The following NHSL1 variants were observed in gnomAD, a reference collection of about 807,000 sequenced individuals.
The protein encoded by NHSL1 is NHS like 1.
Under a neutral mutation model 95.0 loss-of-function variants are expected in NHSL1, and 48 were observed. The observed-to-expected ratio is 0.51, with a 90% confidence interval of 0.40 to 0.64. The LOEUF (loss-of-function observed/expected upper bound fraction) is 0.64, where lower values mean the gene tolerates loss of function less well. Among genes scored for constraint, NHSL1 ranks in the 30% least tolerant of loss-of-function variants. NHSL1 has a pLI of 0.00. For synonymous variants in NHSL1, 783 were observed against 833.9 expected, an observed-to-expected ratio of 0.94 and a Z score of 1.05; for missense variants, 1,971 against 2,077.7, an observed-to-expected ratio of 0.95 and a Z score of 1.00.
At chr6:138,566,981 G>A (rs576325102) in intron 1 of NHSL1, among the ~76,000 whole-genome samples, 2 of 152,252 alleles carry the variant, frequency 1.3e-5, no homozygotes, top group South Asian at 4.2e-4. Context: ...GTAACCATCA[G>A]AATAAATAAA....
At chr6:138,637,223 C>T (rs1784899985) in intron 1 of NHSL1, among the ~76,000 whole-genome samples, 1 of 152,108 alleles carries the variant, frequency 6.6e-6, no homozygotes, top group African/African-American at 2.4e-5. Context: ...GATCCCGTAT[C>T]TCTCACCACA....
At chr6:138,525,528 A>T (rs1190595069) in intron 1 of NHSL1, among the ~76,000 whole-genome samples, 1 of 139,612 alleles carries the variant, frequency 7.2e-6, no homozygotes, top group Non-Finnish European at 1.5e-5. Flanking sequence ...ACCTTGTCTC[A>T]AAATAAATAA....
intron 3 of NHSL1, among the ~76,000 whole-genome samples, chr6:138,472,331 C>CA (rs1189275662): frequency 6.6e-6 from 1 of 152,164 alleles, no homozygotes. Context: ...GACCACAACT[C>CA]AAATTCCTGG....
At chr6:138,614,936 C>A (rs1314883132) in intron 1 of NHSL1, among the ~76,000 whole-genome samples, 5 of 152,068 alleles carry the variant, frequency 3.3e-5, no homozygotes, top group Admixed American at 2.6e-4. Context: ...CCACCCTACC[C>A]CAGGTCTGTG....
At chr6:138,570,247 C>A (rs570847707) in intron 1 of NHSL1, among the ~76,000 whole-genome samples, 1 of 152,330 alleles carries the variant, frequency 6.6e-6, no homozygotes, top group South Asian at 2.1e-4. Flanking sequence ...TCCTACAAAG[C>A]AACCTTTGGC....
Position 138,431,949 on chromosome 6 carries a change from C to A in NHSL1, c.2396G>T (p.Gly799Val). The A allele has an allele frequency of 6.4e-7, 1 of 1,551,748 alleles. No individual in the cohort carries two copies. The highest frequency in any genetic ancestry group is 8.7e-7 in the Non-Finnish European group (1 of 1,147,006). The change falls in exon 6 of 8, where the codon GGC (glycine) becomes GTC (valine). Residue 799 changes from glycine (G) to valine (V), a missense_variant. Around this residue, in one of 3 missense-constraint regions of NHSL1, gnomAD observed 1,602 missense variants for 1,654.5 expected, o/e 0.97. Transcript: ENST00000343505. This position sits in a 1 kb window ranked among gnomAD's most constrained non-coding sequence, Gnocchi z 4.0. ...GGGCACCCCACTGCTGGTTGAACAG[C>A]CCCCTGCCGGGTTCCCCGGATCTTC... ...MQEDPGNPAG[G>V]CSTSSGVPTG...
chr6:138,545,371 A>G (rs1438475561), intron 1 of NHSL1, among the ~76,000 whole-genome samples: 1 of 152,202 alleles, frequency 6.6e-6, no homozygotes, highest in Non-Finnish European at 1.5e-5. Flanking sequence ...TGTCTATAAC[A>G]AAACACACAC....
chr6:138,678,464 T>C (rs1785474748), intron 1 of NHSL1, among the ~76,000 whole-genome samples: 1 of 152,224 alleles, frequency 6.6e-6, no homozygotes, highest in Admixed American at 6.5e-5. Flanking sequence ...ATTGGACTAG[T>C]AGCACCATGA....
At chr6:138,613,812 T>C (rs946778413) in intron 1 of NHSL1, among the ~76,000 whole-genome samples, 1 of 152,168 alleles carries the variant, frequency 6.6e-6, no homozygotes, top group Non-Finnish European at 1.5e-5. Flanking sequence ...AGGAGAAAGA[T>C]GTAGAATGGG....
chr6:138,511,256 TAAC>T (rs1046592932), intron 1 of NHSL1, among the ~76,000 whole-genome samples: 4 of 152,272 alleles, frequency 2.6e-5, no homozygotes, highest in South Asian at 4.1e-4. Context: ...CTCGTGTACC[TAAC>T]AATATTTTTA....
At chr6:138,516,447 C>T (rs150102456) in intron 1 of NHSL1, among the ~76,000 whole-genome samples, 1 of 152,230 alleles carries the variant, frequency 6.6e-6, no homozygotes, top group African/African-American at 2.4e-5. Flanking sequence ...TGCCTGAGAC[C>T]ATCTGCTGGC....
chr6:138,512,571 T>C (rs1781283676), intron 1 of NHSL1: 1 of 198,268 alleles, frequency 5.0e-6, no homozygotes, highest in Non-Finnish European at 1.0e-5. Context: ...AAACCCAGCC[T>C]CTTCTTTCTG....
At chr6:138,454,536 C>T (rs908587532) in intron 3 of NHSL1, among the ~76,000 whole-genome samples, 1 of 152,104 alleles carries the variant, frequency 6.6e-6, no homozygotes, top group African/African-American at 2.4e-5. Flanking sequence ...AGTCGTAAGT[C>T]TAGGTTTAAA....
intron 2 of NHSL1, among the ~76,000 whole-genome samples, chr6:138,489,869 AG>A (rs1779949929): frequency 1.5e-5 from 1 of 67,900 alleles, no homozygotes; most frequent in Non-Finnish European, 2.8e-5. Flanking sequence ...AGAGAGAGAG[AG>A]AGGGAGAGAG....
At chr6:138,502,107 T>C (rs1244635881), upstream of NHSL1, among the ~76,000 whole-genome samples, 1 of 152,084 alleles carries the variant, frequency 6.6e-6, no homozygotes, top group African/African-American at 2.4e-5. Flanking sequence ...CATCCCGGCA[T>C]CCTAGGATGT....
intron 5 of NHSL1, among the ~76,000 whole-genome samples, chr6:138,441,578 T>G (rs1776525945): frequency 6.6e-6 from 1 of 152,240 alleles, no homozygotes; most frequent in Non-Finnish European, 1.5e-5. Flanking sequence ...GTAGTGTCAT[T>G]ATAGTTATAG....
chr6:138,504,357 A>C (rs918964528), upstream of NHSL1, among the ~76,000 whole-genome samples: 7 of 152,240 alleles, frequency 4.6e-5, no homozygotes, highest in African/African-American at 1.7e-4. Context: ...GTCTAGTGGA[A>C]AAGACACACC....
intron 5 of NHSL1, among the ~76,000 whole-genome samples, chr6:138,436,377 T>C (rs1290776124): frequency 1.3e-5 from 2 of 152,070 alleles, no homozygotes; most frequent in African/African-American, 2.4e-5. Context: ...GGACAGAAAA[T>C]CAAACCAGCC....
rs1178376811 is a variant in NHSL1, at chr6:138,432,728, A to G, written c.1617T>C (p.Ser539=). 1.3e-6 allele frequency: 2 copies of G among 1,551,324 alleles called. No homozygotes were observed. Among genetic ancestry groups the G allele is most frequent in the Non-Finnish European group, 1.7e-6 (2 of 1,146,844 alleles). ...TGTGCCCTCCGCCCCCTGAATAACT[A>G]GATTCACTCTTGCCATCCACATCTT... The part of the protein sequence containing the change: ...HPQDVDGKSE[S]SYSGGGGHSS... Residue 539 remains serine, a synonymous_variant, in exon 6 of 8, where the codon TCT becomes TCC. Coordinates refer to ENST00000343505, the MANE Select transcript of NHSL1 (RefSeq NM_001144060.2). The surrounding 1 kb of genome is among the most constrained non-coding windows in gnomAD (Gnocchi z 4.4).
Sources: allele counts gnomAD v4.1 joint callset (sites outside exome capture counted in the v4.1 genomes callset), GRCh38; gene constraint gnomAD v4.1.1; regional missense constraint gnomAD v4.1.1; non-coding constraint Gnocchi (gnomAD v3.1); transcripts MANE v1.5; gene names NCBI Gene and HGNC (gene_info 2026-07-23, HGNC 2026-07-21).